Variants in PAPPA observed in about 807,000 individuals in gnomAD.
PAPPA encodes the protein pappalysin 1, also known as pappalysin-1.
PAPPA carries 60 observed loss-of-function variants against 164.0 expected under a neutral mutation model. That is an observed-to-expected ratio of 0.37 (90% CI 0.30 to 0.45). The LOEUF is 0.45. PAPPA is among the 20% of genes least tolerant of loss of function. PAPPA has a pLI of 1.00. For synonymous variants in PAPPA, 875 were observed against 814.1 expected, an observed-to-expected ratio of 1.07 and a Z score of -1.27; for missense variants, 1,782 against 2,087.3, an observed-to-expected ratio of 0.85 and a Z score of 2.85.
intron 7 of PAPPA, among the ~76,000 whole-genome samples, chr9:116,251,178 C>G (rs1417255483): frequency 6.6e-6 from 1 of 152,110 alleles, no homozygotes; most frequent in East Asian, 1.9e-4. Context: ...TCGTGGACAT[C>G]AAATAGCTCT....
rs1845129339 is a variant in PAPPA at position 116,271,016 on chromosome 9, A to G, written c.2862-309A>G. 6.6e-6 allele frequency among the ~76,000 whole-genome samples: 1 copy of G among 152,164 alleles called. No homozygotes were observed. The highest frequency in any genetic ancestry group is 2.4e-5 in the African/African-American group (1 of 41,434). On this transcript the variant is annotated intron_variant, in intron 8 of 21. Transcript: ENST00000328252. The surrounding 1 kb of genome is among the most constrained non-coding windows in gnomAD (Gnocchi z 4.2). The stretch of plus-strand genomic sequence containing the variant: ...AGACACTGTGGGAGCAAGACCATTT[A>G]TTTGTTCATTAGTTCTTCCATGTCT...
chr9:116,277,483 C>T (rs1416414613), intron 9 of PAPPA, among the ~76,000 whole-genome samples: 1 of 151,998 alleles, frequency 6.6e-6, no homozygotes, highest in Non-Finnish European at 1.5e-5. Flanking sequence ...GAAAGCCTGT[C>T]CCTGACACTT....
intron 1 of PAPPA, among the ~76,000 whole-genome samples, chr9:116,179,596 T>C (rs1843879109): frequency 6.6e-6 from 1 of 152,172 alleles, no homozygotes; most frequent in Non-Finnish European, 1.5e-5. Context: ...CCCGGAGGGA[T>C]GAGGATGCTG....
At chr9:116,251,675 G>A (rs1375711805) in intron 7 of PAPPA, among the ~76,000 whole-genome samples, 1 of 152,214 alleles carries the variant, frequency 6.6e-6, no homozygotes, top group Non-Finnish European at 1.5e-5. Context: ...TGACTGGTCA[G>A]CTTGTCACAA....
At chr9:116,326,167 C>G (rs1237497498) in intron 10 of PAPPA, among the ~76,000 whole-genome samples, 4 of 152,178 alleles carry the variant, frequency 2.6e-5, no homozygotes, top group African/African-American at 9.7e-5. Flanking sequence ...CATCCATCCT[C>G]CAACCTGAGA....
intron 2 of PAPPA, among the ~76,000 whole-genome samples, chr9:116,202,975 C>A (rs1221160547): frequency 2.0e-5 from 3 of 152,160 alleles, no homozygotes; most frequent in Non-Finnish European, 4.4e-5. Flanking sequence ...TATTTCACAA[C>A]CTCACTGAAC....
chr9:116,266,681 G>T (rs187356984), intron 8 of PAPPA, among the ~76,000 whole-genome samples: 1 of 152,226 alleles, frequency 6.6e-6, no homozygotes, highest in East Asian at 1.9e-4. Flanking sequence ...CTGGCAAACA[G>T]GGGTGAGGAG....
At chr9:116,291,696 C>T (rs190028398) in intron 9 of PAPPA, among the ~76,000 whole-genome samples, 69 of 152,156 alleles carry the variant, frequency 4.5e-4, no homozygotes, top group African/African-American at 1.6e-3. Flanking sequence ...TATTTTTAAA[C>T]ATGACATAAT....
intron 1 of PAPPA, among the ~76,000 whole-genome samples, chr9:116,174,583 T>C (rs1843810204): frequency 6.6e-6 from 1 of 152,130 alleles, no homozygotes; most frequent in African/African-American, 2.4e-5. Context: ...GGTCCAAAGA[T>C]GAAAACAAGG....
intron 1 of PAPPA, among the ~76,000 whole-genome samples, chr9:116,167,754 C>A (rs551891523): frequency 2.6e-5 from 4 of 152,178 alleles, no homozygotes; most frequent in Admixed American, 6.5e-5. Flanking sequence ...CAATATTAAG[C>A]TCTCAGGATG....
At chr9:116,215,983 C>G (rs144439754) in intron 4 of PAPPA, among the ~76,000 whole-genome samples, 1 of 151,936 alleles carries the variant, frequency 6.6e-6, no homozygotes, top group South Asian at 2.1e-4. Context: ...CACACATATA[C>G]CTTAGACATC....
Position 116,401,421 on chromosome 9 carries a change from A to AAAC in PAPPA, c.*4806_*4808dup, listed in dbSNP as rs1171585332. On this transcript the variant is annotated 3_prime_UTR_variant, in exon 22 of 22. Transcript: ENST00000328252. ...GAGTGCAAACAAATGGGGGCTTCTTAAACTACACACCAGCAGTCAGTGAGG... is the reference window on the plus strand; with the variant it reads ...GAGTGCAAACAAATGGGGGCTTCTTAAACAACTACACACCAGCAGTCAGTGAGG... 3.9e-5 allele frequency: 6 copies of AAAC among 152,556 alleles called. No homozygotes were observed. The highest frequency in any genetic ancestry group is 2.0e-4 in the Admixed American group (3 of 15,258). The allele number at this position is 152,556 out of a possible 1,614,324, so 9.5% of individuals were successfully genotyped here.
chr9:116,283,330 C>A (rs909730682), intron 9 of PAPPA, among the ~76,000 whole-genome samples: 1 of 152,072 alleles, frequency 6.6e-6, no homozygotes, highest in African/African-American at 2.4e-5. Flanking sequence ...GGTTGGTGAG[C>A]CTGGGAAAGA....
intron 1 of PAPPA, among the ~76,000 whole-genome samples, chr9:116,175,967 C>T (rs987728723): frequency 4.6e-5 from 7 of 152,198 alleles, no homozygotes; most frequent in Admixed American, 4.6e-4. Context: ...TATCAAGAAA[C>T]AGCCCAAGTG....
At position 116,362,606 on chromosome 9, in the gene PAPPA, T is replaced by G. The variant is rs780545219; in HGVS notation, c.4362T>G (p.Asn1454Lys). Residue 1454 changes from asparagine (N) to lysine (K), a missense_variant, in exon 18 of 22, where the codon AAT (asparagine) becomes AAG (lysine). Around this residue, in one of 2 missense-constraint regions of PAPPA, gnomAD observed 1,324 missense variants for 1,656.9 expected, o/e 0.80. Transcript: ENST00000328252. ...DSDASQGLGS[N>K]VIHCRKDGTW... The stretch of plus-strand genomic sequence containing the variant: ...CTGTTGTTCAGGGACTTGGGAGCAA[T>G]GTCATTCATTGCCGGAAAGATGGCA... 6 of 1,613,888 alleles carry G rather than the reference T, an allele frequency of 3.7e-6. No homozygotes were observed. Among genetic ancestry groups the G allele is most frequent in the Non-Finnish European group, 5.1e-6 (6 of 1,179,870 alleles).
At chr9:116,155,273 A>G (rs1200202586) in intron 1 of PAPPA, among the ~76,000 whole-genome samples, 3 of 152,112 alleles carry the variant, frequency 2.0e-5, no homozygotes, top group South Asian at 2.1e-4. Flanking sequence ...CGCTTTTCTC[A>G]TATGGGACTT....
chr9:116,276,832 C>T (rs1845204750), intron 9 of PAPPA, among the ~76,000 whole-genome samples: 1 of 152,126 alleles, frequency 6.6e-6, no homozygotes, highest in South Asian at 2.1e-4. Flanking sequence ...ACCCCCAGCC[C>T]CAGCTCCCTC....
At chr9:116,164,070 T>G (rs2118979216) in intron 1 of PAPPA, among the ~76,000 whole-genome samples, 1 of 152,312 alleles carries the variant, frequency 6.6e-6, no homozygotes, top group South Asian at 2.1e-4. Context: ...TTGTAATTTC[T>G]TAGGATATAA....
At chr9:116,212,343 C>G (rs750884549) in intron 4 of PAPPA, among the ~76,000 whole-genome samples, 9 of 151,966 alleles carry the variant, frequency 5.9e-5, no homozygotes, top group Non-Finnish European at 1.2e-4. Flanking sequence ...CTGCATATAT[C>G]TTATCATAGT....
Sources: allele counts gnomAD v4.1 joint callset (sites outside exome capture counted in the v4.1 genomes callset), GRCh38; gene constraint gnomAD v4.1.1; regional missense constraint gnomAD v4.1.1; non-coding constraint Gnocchi (gnomAD v3.1); transcripts MANE v1.5; gene names NCBI Gene and HGNC (gene_info 2026-07-23, HGNC 2026-07-21).